The following SLC49A4 variants were observed in gnomAD, a reference collection of about 807,000 sequenced individuals.
SLC49A4 encodes the protein disrupted in renal cancer protein 2.
A neutral mutation model predicts 50.6 loss-of-function variants in SLC49A4; 36 were observed. The observed-to-expected ratio is 0.71, with a 90% CI of 0.55 to 0.94. The LOEUF (loss-of-function observed/expected upper bound fraction) is 0.94. Among genes scored for constraint, SLC49A4 ranks in the 40% least tolerant of loss-of-function variants. The probability of loss-of-function intolerance (pLI) is 0.00; values close to 1 mark genes in which losing one functional copy is unlikely to be tolerated. For synonymous variants in SLC49A4, 248 were observed against 241.2 expected (o/e 1.03, Z -0.26); for missense variants, 503 against 605.7 (o/e 0.83, Z 1.78).
At chr3:122,856,281 A>G in intron 5 of SLC49A4, 26 bp from the exon 6 acceptor site, 1 of 1,612,098 alleles carries the variant, frequency 6.2e-7, no homozygotes, top group African/African-American at 1.3e-5. Flanking sequence ...GTCTTGTATT[A>G]AATGTGTCTG....
chr3:122,839,974 A>G (rs1576302355), intron 4 of SLC49A4, among the ~76,000 whole-genome samples: 1 of 152,204 alleles, frequency 6.6e-6, no homozygotes, highest in East Asian at 1.9e-4. Flanking sequence ...TTGCAATTCC[A>G]AAGATATGGA....
chr3:122,840,586 CAT>C (rs1435094135), intron 4 of SLC49A4, among the ~76,000 whole-genome samples: 1 of 151,988 alleles, frequency 6.6e-6, no homozygotes, highest in Non-Finnish European at 1.5e-5. Flanking sequence ...ATTATTTTAA[CAT>C]GTAATCAATA....
chr3:122,813,400 GTACATCA>G (rs1165954463), intron 2 of SLC49A4, among the ~76,000 whole-genome samples: 1 of 151,652 alleles, frequency 6.6e-6, no homozygotes, highest in Non-Finnish European at 1.5e-5. Context: ...TTCTTGTTCG[GTACATCA>G]TACAGAGAAG....
chr3:122,847,347 A>T (rs1936867615), intron 5 of SLC49A4, among the ~76,000 whole-genome samples: 2 of 104,698 alleles, frequency 1.9e-5, no homozygotes. Context: ...CATACAGTGT[A>T]CAATTTTTTT....
intron 7 of SLC49A4, among the ~76,000 whole-genome samples, chr3:122,869,304 A>G (rs994272475): frequency 1.3e-5 from 2 of 152,148 alleles, no homozygotes; most frequent in African/African-American, 4.8e-5. Context: ...GTATATTTAC[A>G]GATAGATAAC....
chr3:122,844,990 G>T (rs1190171522), intron 4 of SLC49A4, among the ~76,000 whole-genome samples: 2 of 151,838 alleles, frequency 1.3e-5, no homozygotes, highest in African/African-American at 2.4e-5. Context: ...TTAGGCTCAG[G>T]GTACGTGTGC....
chr3:122,875,431 AC>A (rs1937253968), intron 8 of SLC49A4, among the ~76,000 whole-genome samples: 1 of 152,114 alleles, frequency 6.6e-6, no homozygotes, highest in African/African-American at 2.4e-5. Context: ...GCTCACTGCA[AC>A]GTTGGCCTCC....
intron 4 of SLC49A4, among the ~76,000 whole-genome samples, chr3:122,842,415 G>C (rs967080218): frequency 6.7e-6 from 1 of 148,642 alleles, no homozygotes; most frequent in Non-Finnish European, 1.5e-5. Context: ...GAACCCGGGA[G>C]GCGGAGCTTG....
chr3:122,849,808 G>A (rs1349605480), intron 5 of SLC49A4, among the ~76,000 whole-genome samples: 3 of 151,826 alleles, frequency 2.0e-5, no homozygotes, highest in African/African-American at 7.3e-5. Context: ...TTCCTTTGCT[G>A]TTCAGAAGCC....
intron 8 of SLC49A4, among the ~76,000 whole-genome samples, chr3:122,876,995 GC>G (rs1937275256): frequency 1.3e-5 from 2 of 152,176 alleles, no homozygotes; most frequent in Admixed American, 6.5e-5. Flanking sequence ...CTAGTGAAAG[GC>G]AAAGGGAAGG....
intron 3 of SLC49A4, 78 bp from the exon 4 acceptor site, chr3:122,833,239 T>A: frequency 6.9e-7 from 1 of 1,451,980 alleles, no homozygotes; most frequent in Non-Finnish European, 9.5e-7. Flanking sequence ...AGACCCTGTT[T>A]CAAAAAACAA....
intron 1 of SLC49A4, among the ~76,000 whole-genome samples, chr3:122,801,954 C>A (rs1936140166): frequency 6.6e-6 from 1 of 151,872 alleles, no homozygotes; most frequent in Non-Finnish European, 1.5e-5. Flanking sequence ...GATGGAGTAA[C>A]GGGAACTGGA....
chr3:122,827,326 G>A (rs1365952021), intron 3 of SLC49A4, among the ~76,000 whole-genome samples: 1 of 152,118 alleles, frequency 6.6e-6, no homozygotes, highest in Non-Finnish European at 1.5e-5. Flanking sequence ...ATCTATTTAC[G>A]GTTAAGTACT....
chr3:122,864,704 A>G (rs1937094295), intron 7 of SLC49A4, among the ~76,000 whole-genome samples: 1 of 152,190 alleles, frequency 6.6e-6, no homozygotes, highest in Non-Finnish European at 1.5e-5. Context: ...GAAAGGAAAC[A>G]TACCCAGTTG....
At chr3:122,802,090 T>C (rs1936142214) in intron 1 of SLC49A4, among the ~76,000 whole-genome samples, 1 of 152,004 alleles carries the variant, frequency 6.6e-6, no homozygotes, top group Non-Finnish European at 1.5e-5. Flanking sequence ...GAAAGGAGGA[T>C]CACTTCAGGC....
Position 122,872,599 on chromosome 3 carries a change from T to C in SLC49A4, c.1321+2T>C. On this transcript the variant is annotated splice_donor_variant, in intron 8 of 8. Transcript: ENST00000261038. LOFTEE classifies it high-confidence loss of function. The stretch of plus-strand genomic sequence containing the variant: ...TTTTTCTCACATTTTATCATACAGG[T>C]AAGAAATTTGATTTTTTATTTACTA... The C allele has an allele frequency of 6.4e-7, 1 of 1,566,626 alleles. No individual in the cohort carries two copies. Among genetic ancestry groups the C allele is most frequent in the Non-Finnish European group, 8.7e-7 (1 of 1,152,142 alleles).
chr3:122,848,294 G>A (rs1382339466), intron 5 of SLC49A4, among the ~76,000 whole-genome samples: 2 of 151,900 alleles, frequency 1.3e-5, no homozygotes, highest in East Asian at 3.9e-4. Context: ...TTGTAAGCAA[G>A]TCTCCTTATA....
intron 2 of SLC49A4, among the ~76,000 whole-genome samples, chr3:122,808,985 A>T (rs1319347929): frequency 6.6e-6 from 1 of 152,078 alleles, no homozygotes; most frequent in Non-Finnish European, 1.5e-5. Flanking sequence ...ACATGAGGGG[A>T]AGTGTGAGAA....
intron 7 of SLC49A4, among the ~76,000 whole-genome samples, chr3:122,866,204 GT>G (rs34457229): frequency 0.22 from 27,634 of 123,330 alleles, 2,351 homozygotes; most frequent in East Asian, 0.44. Context: ...AACTTTCGTT[GT>G]TTTTTTTTTT....
Sources: gnomAD v4.1 joint callset for allele counts (sites outside exome capture counted in the v4.1 genomes callset) on GRCh38, gnomAD v4.1.1 for gene constraint, MANE v1.5 for transcripts, NCBI Gene and HGNC (gene_info 2026-07-23, HGNC 2026-07-21) for gene names.